The following WDR11 variants were observed in gnomAD, a reference collection of about 807,000 sequenced individuals.
WDR11 encodes WD repeat domain 11, also known as WD repeat-containing protein 11.
Under a neutral mutation model 151.2 loss-of-function variants are expected in WDR11, and 83 were observed. The ratio of observed to expected loss-of-function variants is 0.55; its 90% CI spans 0.46 to 0.66. The LOEUF (loss-of-function observed/expected upper bound fraction) is 0.66, where lower values mean the gene tolerates loss of function less well. WDR11 is among the 30% of genes least tolerant of loss of function. WDR11 has a pLI of 0.00. For synonymous variants in WDR11, 484 were observed against 533.1 expected (o/e 0.91, Z 1.27); for missense variants, 1,301 against 1,480.9 (o/e 0.88, Z 1.99).
intron 1 of WDR11, chr10:120,852,229 CGT>C (rs1845801816): frequency 2.7e-6 from 1 of 376,518 alleles, no homozygotes; most frequent in Non-Finnish European, 5.0e-6. Context: ...AAGCGAAAGA[CGT>C]ATGCCTACAA....
rs1392861805 is a variant in WDR11 at position 120,890,394 on chromosome 10, A to G, written c.2344-322A>G. 3.9e-5 allele frequency among the ~76,000 whole-genome samples: 6 copies of G among 152,164 alleles called. No homozygotes were observed. The East Asian group carries it at 1.2e-3, about 30-fold the overall frequency. ...CGCCCGGCTAATGTTTTGTATTTTT[A>G]GTAGAGACAGGGTTTCGCCATGTTG... On this transcript the variant is annotated intron_variant, in intron 18 of 28. Transcript: ENST00000263461.
intron 13 of WDR11, among the ~76,000 whole-genome samples, chr10:120,881,722 A>G (rs1382954151): frequency 6.6e-6 from 1 of 152,246 alleles, no homozygotes; most frequent in South Asian, 2.1e-4. Context: ...CCTTGTGACC[A>G]TGCTAAGCTT....
chr10:120,869,642 G>T (rs1160779015), intron 9 of WDR11, among the ~76,000 whole-genome samples: 1 of 151,994 alleles, frequency 6.6e-6, no homozygotes, highest in Non-Finnish European at 1.5e-5. Context: ...ACTTATTAAG[G>T]CCTAATTTGC....
chr10:120,906,125 AG>A (rs1277030720), intron 27 of WDR11, 104 bp downstream of exon 27: 1 of 1,598,708 alleles, frequency 6.3e-7, no homozygotes, highest in Non-Finnish European at 8.5e-7. Context: ...GTAAAGTGAA[AG>A]GAGAAGTATA....
chr10:120,859,023 A>T (rs558089254), intron 3 of WDR11, among the ~76,000 whole-genome samples: 1 of 152,320 alleles, frequency 6.6e-6, no homozygotes, highest in East Asian at 1.9e-4. Flanking sequence ...GGTAAAACTC[A>T]TTAATTGCAA....
intron 9 of WDR11, among the ~76,000 whole-genome samples, chr10:120,870,492 T>C (rs1846497547): frequency 6.6e-6 from 1 of 152,226 alleles, no homozygotes; most frequent in African/African-American, 2.4e-5. Flanking sequence ...ATTGGAGTCA[T>C]CTTTTTAGTT....
At chr10:120,890,484 G>A (rs540802622) in intron 18 of WDR11, among the ~76,000 whole-genome samples, 1 of 152,246 alleles carries the variant, frequency 6.6e-6, no homozygotes, top group South Asian at 2.1e-4. Context: ...AAAGTCCTGG[G>A]ATTATAGGCG....
In WDR11 at chr10:120,858,763, T is replaced by G. The variant is rs1437377756; in HGVS notation, c.319T>G (p.Cys107Gly). ...GGATGTAGCAGCAGGAGTAGCTCAG[T>G]GTGAGATCCAAGAGCATGCCAAGCC... The part of the protein sequence containing the change: ...VWDVAAGVAQ[C>G]EIQEHAKPIQ... Residue 107 changes from cysteine to glycine, a missense_variant, in exon 3 of 29, where the codon TGT becomes GGT. Cys to Gly is a radical substitution (Grantham distance 159). Coordinates refer to ENST00000263461, the MANE Select transcript of WDR11 (RefSeq NM_018117.12). The G allele has an allele frequency of 6.2e-7, 1 of 1,614,136 alleles. No homozygotes were observed.
chr10:120,886,199 C>T (rs554135612), intron 15 of WDR11, among the ~76,000 whole-genome samples: 2 of 152,178 alleles, frequency 1.3e-5, no homozygotes, highest in East Asian at 1.9e-4. Context: ...GTGCTCATTC[C>T]GAGTGCCCTT....
intron 10 of WDR11, 75 bp downstream of exon 10, chr10:120,871,421 C>A (rs1393657972): frequency 2.8e-6 from 4 of 1,449,392 alleles, no homozygotes; most frequent in Non-Finnish European, 3.8e-6. Flanking sequence ...TCTAGAAGAT[C>A]CTTTATTCTT....
chr10:120,881,283 T>C (rs1846997949), intron 13 of WDR11, among the ~76,000 whole-genome samples: 1 of 152,146 alleles, frequency 6.6e-6, no homozygotes, highest in Non-Finnish European at 1.5e-5. Flanking sequence ...AGCAGTATTA[T>C]TAAAAATAGA....
At chr10:120,859,972 C>G in intron 3 of WDR11, 137 bp from the exon 4 acceptor site, 5 of 891,314 alleles carry the variant, frequency 5.6e-6, no homozygotes, top group Middle Eastern at 2.1e-4. Flanking sequence ...CACACACACA[C>G]ACACACGTCA....
At chr10:120,903,373 G>A in intron 23 of WDR11, 141 bp downstream of exon 23, 1 of 1,030,360 alleles carries the variant, frequency 9.7e-7, no homozygotes, top group Non-Finnish European at 1.4e-6. Context: ...AGCTGGGTGT[G>A]GTGGCACGTG....
chr10:120,851,465 C>A lies in WDR11; in HGVS notation c.45C>A (p.Leu15=). The A allele has an allele frequency of 6.2e-7, 1 of 1,612,336 alleles. No homozygotes were observed. The highest frequency in any genetic ancestry group is 1.7e-4 in the Middle Eastern group (1 of 6,056). The change falls in exon 1 of 29, where the codon CTC becomes CTA. Residue 15 remains leucine (L), a synonymous_variant. Coordinates refer to ENST00000263461, the MANE Select transcript of WDR11 (RefSeq NM_018117.12). ...ACTTCAAGGTGTCGGCGCGCACCCT[C>A]ACGGGGGCCCTCAACGCCCACAACA... ...TVNFKVSART[L]TGALNAHNKA... is the part of the protein sequence containing the mutation.
At chr10:120,858,466 A>G (rs561125629) in intron 2 of WDR11, among the ~76,000 whole-genome samples, 177 bp from the exon 3 acceptor site, 3 of 152,356 alleles carry the variant, frequency 2.0e-5, no homozygotes, top group Non-Finnish European at 1.5e-5. Context: ...GCAGTTAAAG[A>G]TATCTACCAA....
At position 120,905,329 on chromosome 10, in the gene WDR11, G is replaced by C. The variant is rs1226427123; in HGVS notation, c.3204G>C (p.Gln1068His). ...GCTTTTGTCTTTCAGAGGGCGTTCAGTTGCTCTGCCTGATAGATAAGGCTG... is the reference window on the plus strand; with the variant it reads ...GCTTTTGTCTTTCAGAGGGCGTTCACTTGCTCTGCCTGATAGATAAGGCTG... ...IANGKLAEGVQLLCLIDKAAD... is the reference protein window; with the variant it reads ...IANGKLAEGVHLLCLIDKAAD... Residue 1068 changes from glutamine to histidine, a missense_variant, in exon 26 of 29, where the codon CAG becomes CAC. This residue lies in a region of WDR11 where 589 missense variants were observed against 670.6 expected (regional missense o/e 0.88). Coordinates refer to ENST00000263461, the MANE Select transcript of WDR11 (RefSeq NM_018117.12). The C allele has an allele frequency of 6.2e-7, 1 of 1,613,986 alleles. No homozygotes were observed. Among genetic ancestry groups the C allele is most frequent in the African/African-American group, 1.3e-5 (1 of 74,936 alleles).
intron 9 of WDR11, among the ~76,000 whole-genome samples, chr10:120,869,106 G>GT (rs35675368): frequency 0.15 from 12,501 of 81,926 alleles, 856 homozygotes; most frequent in Non-Finnish European, 0.2. Flanking sequence ...TAAATTACAG[G>GT]TTTTTTTTTT....
intron 7 of WDR11, among the ~76,000 whole-genome samples, chr10:120,865,982 T>A (rs954316951): frequency 6.6e-6 from 1 of 151,730 alleles, no homozygotes; most frequent in Non-Finnish European, 1.5e-5. Flanking sequence ...CTTGATCATA[T>A]CCATGAGCCA....
chr10:120,883,229 A>G (rs1360330369), intron 13 of WDR11, among the ~76,000 whole-genome samples: 1 of 152,150 alleles, frequency 6.6e-6, no homozygotes, highest in African/African-American at 2.4e-5. Context: ...TATGTCAGCC[A>G]TCATTTGCTG....
Sources: gnomAD v4.1 joint callset for allele counts (sites outside exome capture counted in the v4.1 genomes callset) on GRCh38, gnomAD v4.1.1 for gene constraint, gnomAD v4.1.1 regional missense constraint, MANE v1.5 for transcripts, NCBI Gene and HGNC (gene_info 2026-07-23, HGNC 2026-07-21) for gene names.